ITFG2: variants seen among roughly 807,000 people sequenced by gnomAD.
The protein encoded by ITFG2 is integrin alpha FG-GAP repeat containing 2.
In ITFG2, 36 loss-of-function variants were observed where a neutral mutation model predicts 54.4. That is an observed-to-expected ratio of 0.66 (90% CI 0.51 to 0.87). The LOEUF is 0.87. ITFG2 is among the 40% of genes least tolerant of loss of function. ITFG2 has a pLI of 0.00. For synonymous variants in ITFG2, 211 were observed against 225.4 expected (o/e 0.94, Z 0.57); for missense variants, 524 against 576.7 (o/e 0.91, Z 0.94).
At chr12:2,837,337 G>T (rs1336947946) in intron 1 of ITFG2, among the ~76,000 whole-genome samples, 1 of 152,220 alleles carries the variant, frequency 6.6e-6, no homozygotes, top group Admixed American at 6.5e-5. Context: ...AATTAGCCGG[G>T]CGCGGTGGCA....
downstream of ITFG2, chr12:2,828,258 C>T: frequency 7.4e-7 from 1 of 1,348,560 alleles, no homozygotes; most frequent in Non-Finnish European, 1.1e-6. Context: ...TCGTCACTAT[C>T]TAATTTGAGA....
At chr12:2,852,885 G>A (rs1482312135) in intron 2 of ITFG2, among the ~76,000 whole-genome samples, 1 of 152,036 alleles carries the variant, frequency 6.6e-6, no homozygotes, top group Non-Finnish European at 1.5e-5. Context: ...TGTAATCCCA[G>A]CTACTCAGGA....
chr12:2,837,395 G>A (rs911145072), intron 1 of ITFG2, among the ~76,000 whole-genome samples: 12 of 151,952 alleles, frequency 7.9e-5, no homozygotes, highest in African/African-American at 2.2e-4. Flanking sequence ...GGAGAATGGC[G>A]TGAACCCGGG....
At chr12:2,842,574 A>G (rs1238259495) in intron 2 of ITFG2, among the ~76,000 whole-genome samples, 3 of 151,868 alleles carry the variant, frequency 2.0e-5, no homozygotes, top group Non-Finnish European at 2.9e-5. Context: ...CGTCGCTACA[A>G]AAAAAAATTC....
chr12:2,825,108 G>C (rs1332500491), downstream of ITFG2: 2 of 152,204 alleles, frequency 1.3e-5, no homozygotes, highest in African/African-American at 4.8e-5. Flanking sequence ...GTATTGTTTT[G>C]TTAGTCATAT....
Position 2,851,503 on chromosome 12 carries a change from C to T in ITFG2, n.301-6509C>T, listed in dbSNP as rs185358142. On this transcript the variant is annotated intron_variant and non_coding_transcript_variant, in intron 2 of 3. Transcript: ENST00000537710. The stretch of plus-strand genomic sequence containing the variant: ...GATTACAGGGCCCCGCCACCATGCC[C>T]GGCTAGTTTTTGTATTTTTAGTGGA... 2.3e-3 allele frequency among the ~76,000 whole-genome samples: 343 copies of T among 150,136 alleles called. 2 individuals carry two copies. The highest frequency in any genetic ancestry group is 7.8e-3 in the African/African-American group (318 of 40,876).
chr12:2,831,206 GGTT>G (rs937774072), downstream of ITFG2, among the ~76,000 whole-genome samples: 1 of 151,622 alleles, frequency 6.6e-6, no homozygotes, highest in South Asian at 2.1e-4. Context: ...TAACTAGGAG[GGTT>G]TTTTTTTTCT....
intron 2 of ITFG2, among the ~76,000 whole-genome samples, chr12:2,854,059 CTT>C (rs1565451785): frequency 6.6e-6 from 1 of 152,198 alleles, no homozygotes; most frequent in Non-Finnish European, 1.5e-5. Flanking sequence ...GAGTTTCTCT[CTT>C]GTTGCCCCGG....
chr12:2,846,572 T>G (rs1428196934), intron 2 of ITFG2, among the ~76,000 whole-genome samples: 1 of 152,034 alleles, frequency 6.6e-6, no homozygotes, highest in African/African-American at 2.4e-5. Flanking sequence ...AGTCTGAGGT[T>G]GTTAGGCGTG....
At chr12:2,828,555 C>G, downstream of ITFG2, 1 of 690,592 alleles carries the variant, frequency 1.4e-6, no homozygotes, top group Non-Finnish European at 2.5e-6. Context: ...TGGCTTTTAT[C>G]GGGGCCAGGC....
downstream of ITFG2, chr12:2,828,229 G>A (rs2097979720): frequency 1.7e-6 from 2 of 1,210,816 alleles, no homozygotes; most frequent in African/African-American, 3.0e-5. Flanking sequence ...CAGCTTTATT[G>A]AGATAAAATA....
chr12:2,858,808 G>A, intron 3 of ITFG2: 1 of 1,614,210 alleles, frequency 6.2e-7, no homozygotes, highest in Non-Finnish European at 8.5e-7. Context: ...CCAGAAACCT[G>A]TGGCTCCGGG....
downstream of ITFG2, chr12:2,828,375 T>G (rs1302475235): frequency 6.2e-7 from 1 of 1,614,152 alleles, no homozygotes; most frequent in Non-Finnish European, 8.5e-7. Flanking sequence ...TTGTATTGGG[T>G]GCCTGTGTCA....
intron 2 of ITFG2, among the ~76,000 whole-genome samples, chr12:2,848,334 C>T (rs1230056094): frequency 1.3e-5 from 2 of 152,166 alleles, no homozygotes; most frequent in African/African-American, 4.8e-5. Context: ...TTCCCATCAC[C>T]CTCCCCAACC....
At chr12:2,818,369 C>T (rs781300010) in intron 4 of ITFG2, 92 bp downstream of exon 4, 16 of 1,565,730 alleles carry the variant, frequency 1.0e-5, no homozygotes, top group Admixed American at 5.5e-5. Flanking sequence ...AGGGAGAATC[C>T]GTATTCATGT....
Position 2,824,763 on chromosome 12 carries a change from G to GTGCTTTCTCACGT in ITFG2, c.*574_*586dup, listed in dbSNP as rs1373321282. The GTGCTTTCTCACGT allele has an allele frequency of 6.4e-6, 1 of 155,986 alleles. No individual in the cohort carries two copies. The highest frequency in any genetic ancestry group is 2.4e-5 in the African/African-American group (1 of 41,494). 9.7% of individuals were successfully genotyped at this position (155,986 alleles called of 1,614,324 possible). A position where few individuals can be genotyped will look rare whatever the true frequency, so the allele number is the denominator to read the frequency against. ...TCCATTTACCAAAGCAGCCGGGTCA[G>GTGCTTTCTCACGT]TGCTTTCTCACGTTGCCGTATTCTT... On this transcript the variant is annotated 3_prime_UTR_variant, in exon 12 of 12. Coordinates refer to ENST00000228799, the MANE Select transcript of ITFG2 (RefSeq NM_018463.4).
Position 2,821,282 on chromosome 12 carries a change from A to T in ITFG2, c.716A>T (p.Asp239Val). Residue 239 changes from aspartate (D) to valine (V), a missense_variant, in exon 7 of 12, where the codon GAC (aspartate) becomes GTC (valine). Transcript: ENST00000228799. ...DGSRETPAAR[D>V]VVLHQTSGRI... ...CACAGGGAGACCCCAGCTGCCCGAGACGTGGTGCTGCACCAGACATCTGGC... is the reference window on the plus strand; with the variant it reads ...CACAGGGAGACCCCAGCTGCCCGAGTCGTGGTGCTGCACCAGACATCTGGC... The T allele has an allele frequency of 6.2e-7, 1 of 1,608,904 alleles. No homozygotes were observed. The highest frequency in any genetic ancestry group is 1.1e-5 in the South Asian group (1 of 89,992).
upstream of ITFG2, among the ~76,000 whole-genome samples, chr12:2,832,859 A>T (rs562629106): frequency 1.3e-4 from 20 of 151,228 alleles, no homozygotes; most frequent in Admixed American, 9.3e-4. Flanking sequence ...CTACCCTTAG[A>T]TTAATGAGGC....
At position 2,849,510 on chromosome 12, in the gene ITFG2, G is replaced by A. The variant is rs146127101; in HGVS notation, n.301-8502G>A. 315 of 1,536,132 alleles carry A rather than the reference G, an allele frequency of 2.1e-4. 1 individual carries two copies. The East Asian group carries it at 5.9e-3, about 29-fold the overall frequency. On this transcript the variant is annotated intron_variant and non_coding_transcript_variant, in intron 2 of 3. Coordinates refer to the ITFG2 transcript ENST00000537710. ...CCTGGGGTTCAAACCTCCCACCAGC[G>A]GATATGTGCCGGTACCTGTTGGGAG...
Sources: allele counts gnomAD v4.1 joint callset (sites outside exome capture counted in the v4.1 genomes callset), GRCh38; gene constraint gnomAD v4.1.1; transcripts MANE v1.5; gene names NCBI Gene and HGNC (gene_info 2026-07-23, HGNC 2026-07-21).